Variants in LRRTM4 observed in about 807,000 individuals in gnomAD.
LRRTM4 encodes the protein leucine rich repeat transmembrane neuronal 4.
A neutral mutation model predicts 47.6 loss-of-function variants in LRRTM4; 25 were observed. The observed-to-expected ratio is 0.53, with a 90% CI of 0.38 to 0.73. LRRTM4 has a LOEUF of 0.73. Ranked by LOEUF, LRRTM4 falls within the 30% of genes least tolerant of loss-of-function variation. LRRTM4 has a pLI of 0.00. For missense variants in LRRTM4, 638 were observed against 713.4 expected (o/e 0.89, Z 1.20); for synonymous variants, 311 against 269.5 (o/e 1.15, Z -1.51).
intron 3 of LRRTM4, among the ~76,000 whole-genome samples, chr2:77,264,020 T>A (rs1675987289): frequency 6.6e-6 from 1 of 151,644 alleles, no homozygotes; most frequent in African/African-American, 2.4e-5. Flanking sequence ...TTTTTTTTTT[T>A]AATAGAATTT....
intron 3 of LRRTM4, among the ~76,000 whole-genome samples, chr2:77,445,398 T>A (rs975296484): frequency 6.6e-6 from 1 of 151,984 alleles, no homozygotes; most frequent in African/African-American, 2.4e-5. Flanking sequence ...TCCTTGAAGC[T>A]GGACTAAGTC....
intron 3 of LRRTM4, among the ~76,000 whole-genome samples, chr2:76,916,403 A>AAAAAAAAAAAAG (rs1674251119): frequency 7.2e-6 from 1 of 138,512 alleles, no homozygotes. Flanking sequence ...AAAAAAAAAA[A>AAAAAAAAAAAAG]AAAAGAAAAG....
intron 3 of LRRTM4, among the ~76,000 whole-genome samples, chr2:77,181,156 A>ATTGT (rs1558621766): frequency 2.0e-5 from 3 of 152,154 alleles, no homozygotes; most frequent in African/African-American, 7.2e-5. Context: ...TGTAAACAAT[A>ATTGT]CTACAGGTAA....
chr2:77,131,068 T>G (rs1295290083), intron 3 of LRRTM4, among the ~76,000 whole-genome samples: 1 of 150,706 alleles, frequency 6.6e-6, no homozygotes, highest in Non-Finnish European at 1.5e-5. Context: ...TATCCTGACC[T>G]CGTGATCCGC....
chr2:77,019,302 A>C (rs1573458940), intron 3 of LRRTM4, among the ~76,000 whole-genome samples: 1 of 149,938 alleles, frequency 6.7e-6, no homozygotes, highest in East Asian at 2.0e-4. Context: ...GAGTGTATTG[A>C]CCCTGCTTAC....
chr2:77,275,780 G>T (rs1262680956), intron 3 of LRRTM4, among the ~76,000 whole-genome samples: 1 of 151,930 alleles, frequency 6.6e-6, no homozygotes, highest in African/African-American at 2.4e-5. Context: ...GGACCCTCAA[G>T]AGTAATGTGA....
chr2:77,064,953 C>T (rs1342951016), intron 3 of LRRTM4, among the ~76,000 whole-genome samples: 2 of 152,036 alleles, frequency 1.3e-5, no homozygotes, highest in East Asian at 3.9e-4. Context: ...ACAACTAGTC[C>T]TTAGATATTA....
chr2:76,945,754 AGTGTGT>A (rs71376806), intron 3 of LRRTM4, among the ~76,000 whole-genome samples: 20,259 of 150,288 alleles, frequency 0.13, 1,659 homozygotes, highest in Admixed American at 0.21. Flanking sequence ...AGTGTGTAGA[AGTGTGT>A]GTGTGTGTGT....
chr2:76,805,665 A>ACCAGAGTTGAGATTTAAGATAC (rs1558665971), intron 3 of LRRTM4, among the ~76,000 whole-genome samples: 2 of 152,212 alleles, frequency 1.3e-5, no homozygotes, highest in Non-Finnish European at 1.5e-5. Context: ...TTAATGCTAA[A>ACCAGAGTTGAGATTTAAGATAC]CCAGAGTTGA....
intron 3 of LRRTM4, among the ~76,000 whole-genome samples, chr2:77,035,798 G>C (rs150034072): frequency 5.3e-4 from 81 of 151,862 alleles, no homozygotes; most frequent in African/African-American, 1.8e-3. Context: ...CATGTGAGTT[G>C]ATTTTCATTT....
At chr2:77,082,399 T>G (rs1399728453) in intron 3 of LRRTM4, among the ~76,000 whole-genome samples, 1 of 152,136 alleles carries the variant, frequency 6.6e-6, no homozygotes, top group African/African-American at 2.4e-5. Context: ...ATTTTGTTCT[T>G]TTCATAAGTT....
chr2:76,800,211 G>A (rs1244060670), intron 3 of LRRTM4, among the ~76,000 whole-genome samples: 1 of 146,804 alleles, frequency 6.8e-6, no homozygotes, highest in African/African-American at 2.6e-5. Flanking sequence ...TATACTACAA[G>A]GCGACAGTGA....
intron 3 of LRRTM4, among the ~76,000 whole-genome samples, chr2:77,171,572 TG>T (rs1673050401): frequency 6.6e-6 from 1 of 152,082 alleles, no homozygotes; most frequent in African/African-American, 2.4e-5. Flanking sequence ...TCACGGCGAC[TG>T]GCCTGGTTTA....
At chr2:77,109,831 T>TA (rs1028318599) in intron 3 of LRRTM4, among the ~76,000 whole-genome samples, 3 of 151,348 alleles carry the variant, frequency 2.0e-5, no homozygotes, top group Non-Finnish European at 4.4e-5. Context: ...AAAAATGAAA[T>TA]AAGAGAACAT....
At chr2:76,815,927 CT>C (rs920840800) in intron 3 of LRRTM4, among the ~76,000 whole-genome samples, 59 of 151,902 alleles carry the variant, frequency 3.9e-4, no homozygotes, top group Non-Finnish European at 6.0e-4. Flanking sequence ...TTATCTTCCC[CT>C]TTTTTTTCTC....
chr2:77,043,359 G>C (rs935405456), intron 3 of LRRTM4, among the ~76,000 whole-genome samples: 1 of 151,754 alleles, frequency 6.6e-6, no homozygotes, highest in African/African-American at 2.4e-5. Flanking sequence ...AATAGAAAAA[G>C]AGGATTTGGG....
intron 3 of LRRTM4, among the ~76,000 whole-genome samples, chr2:76,917,541 T>G (rs1033341777): frequency 2.0e-5 from 3 of 152,162 alleles, no homozygotes; most frequent in African/African-American, 7.2e-5. Flanking sequence ...GGTTTCTTAA[T>G]GTGCGTATAT....
intron 3 of LRRTM4, among the ~76,000 whole-genome samples, chr2:76,946,013 C>T (rs1675310697): frequency 6.6e-6 from 1 of 151,806 alleles, no homozygotes; most frequent in Non-Finnish European, 1.5e-5. Context: ...TTCTTGAAAT[C>T]TCAATGCAAT....
At chr2:77,403,247 G>A (rs988401578) in intron 3 of LRRTM4, among the ~76,000 whole-genome samples, 6 of 151,774 alleles carry the variant, frequency 4.0e-5, no homozygotes, top group African/African-American at 1.5e-4. Flanking sequence ...TTTTCCCACT[G>A]CCATCACCCG....
Sources: allele counts gnomAD v4.1 joint callset (sites outside exome capture counted in the v4.1 genomes callset), GRCh38; gene constraint gnomAD v4.1.1; transcripts MANE v1.5; gene names NCBI Gene and HGNC (gene_info 2026-07-23, HGNC 2026-07-21).